Variants in SNX13 observed in about 807,000 individuals in gnomAD.
SNX13 encodes sorting nexin-13.
Under a neutral mutation model 133.6 loss-of-function variants are expected in SNX13, and 45 were observed. The ratio of observed to expected loss-of-function variants is 0.34; its 90% CI spans 0.27 to 0.43. The LOEUF is 0.43. Ranked by LOEUF, SNX13 falls within the 20% of genes least tolerant of loss-of-function variation. SNX13 has a pLI of 1.00. For synonymous variants in SNX13, 414 were observed against 373.9 expected, an observed-to-expected ratio of 1.11 and a Z score of -1.24; for missense variants, 1,032 against 1,145.1, an observed-to-expected ratio of 0.90 and a Z score of 1.43.
intron 1 of SNX13, among the ~76,000 whole-genome samples, chr7:17,929,179 G>A (rs528508499): frequency 3.3e-5 from 5 of 151,952 alleles, no homozygotes; most frequent in Admixed American, 6.6e-5. Flanking sequence ...AATACACAAA[G>A]CATCAGTGAC....
At chr7:17,841,870 A>G (rs1789947342) in intron 12 of SNX13, among the ~76,000 whole-genome samples, 1 of 152,108 alleles carries the variant, frequency 6.6e-6, no homozygotes, top group Non-Finnish European at 1.5e-5. Flanking sequence ...AAAATAAAAA[A>G]TGCACTAAAG....
intron 15 of SNX13, chr7:17,832,381 T>A (rs1330865827): frequency 2.0e-6 from 2 of 984,464 alleles, no homozygotes; most frequent in African/African-American, 3.5e-5. Context: ...ACAGAATATA[T>A]TGCTACTATC....
At chr7:17,833,050 C>T (rs566085875) in intron 15 of SNX13, among the ~76,000 whole-genome samples, 1 of 151,646 alleles carries the variant, frequency 6.6e-6, no homozygotes, top group South Asian at 2.1e-4. Context: ...AGTAAACAGT[C>T]ATAACTGAAG....
intron 11 of SNX13, among the ~76,000 whole-genome samples, chr7:17,846,820 C>T (rs1790593976): frequency 6.6e-6 from 1 of 152,154 alleles, no homozygotes; most frequent in South Asian, 2.1e-4. Flanking sequence ...TGTATCACCT[C>T]TTTCTCCTGC....
In SNX13 at chr7:17,793,371, C is replaced by T. The variant is rs781182713; in HGVS notation, c.*674G>A. 3 of 151,954 alleles carry T rather than the reference C, an allele frequency of 2.0e-5. No individual in the cohort carries two copies. The highest frequency in any genetic ancestry group is 4.4e-5 in the Non-Finnish European group (3 of 67,822). The allele number at this position is 151,954 out of a possible 1,614,324, so 9.4% of individuals were successfully genotyped here. ...AGCAAAACACAGCCCTTAAAGCACA[C>T]ATAAGAATAAAAATTGTTGTATACC... On this transcript the variant is annotated 3_prime_UTR_variant, in exon 26 of 26. Transcript: ENST00000428135.
intron 2 of SNX13, among the ~76,000 whole-genome samples, chr7:17,894,720 A>G (rs1389563974): frequency 6.6e-6 from 1 of 152,220 alleles, no homozygotes; most frequent in Non-Finnish European, 1.5e-5. Context: ...ATTTAATCTA[A>G]TAATGATCTT....
In SNX13 at chr7:17,815,336, C is replaced by A. The variant is rs540928585; in HGVS notation, c.1954-392G>T. 3.9e-5 allele frequency among the ~76,000 whole-genome samples: 6 copies of A among 152,276 alleles called. No individual in the cohort carries two copies. In the East Asian group the frequency reaches 7.7e-4, roughly 20 times the overall value. The stretch of plus-strand genomic sequence containing the variant: ...AGGTGGCTCATGCCTGTAACCCCAG[C>A]ACTTTTGGAGATTGAGGCGGGAAAA... On this transcript the variant is annotated intron_variant, in intron 19 of 25. Coordinates refer to ENST00000428135, the MANE Select transcript of SNX13 (RefSeq NM_015132.5).
intron 9 of SNX13, among the ~76,000 whole-genome samples, chr7:17,851,488 G>A (rs1791205848): frequency 6.6e-6 from 1 of 152,172 alleles, no homozygotes; most frequent in African/African-American, 2.4e-5. Flanking sequence ...AATATAGTCA[G>A]GGAGCAGGGT....
In SNX13 at chr7:17,805,265, G is replaced by GCGCGCGCGCGCGCGCA. The variant is rs771908159; in HGVS notation, c.2065-1686_2065-1685insTGCGCGCGCGCGCGCG. Among the ~76,000 whole-genome samples, 613 of 146,014 alleles carry GCGCGCGCGCGCGCGCA rather than the reference G, an allele frequency of 4.2e-3. 5 individuals are homozygous for GCGCGCGCGCGCGCGCA. Among genetic ancestry groups the GCGCGCGCGCGCGCGCA allele is most frequent in the South Asian group, 9.8e-3 (45 of 4,592 alleles). ...TGTGTGTGTGTGCGTGCGCGCGCGC[G>GCGCGCGCGCGCGCGCA]CATGCATGCACATGTGTAATTCTAA... On this transcript the variant is annotated intron_variant, in intron 20 of 25. Transcript: ENST00000428135.
At chr7:17,897,551 A>T in intron 1 of SNX13, 105 bp from the exon 2 acceptor site, 1 of 561,148 alleles carries the variant, frequency 1.8e-6, no homozygotes, top group Non-Finnish European at 3.0e-6. Flanking sequence ...TCTTGTAAAC[A>T]TTCATGGTAT....
At chr7:17,836,943 C>T (rs551961793) in intron 13 of SNX13, among the ~76,000 whole-genome samples, 237 of 151,888 alleles carry the variant, frequency 1.6e-3, no homozygotes, top group African/African-American at 5.4e-3. Context: ...GATATTTTTG[C>T]TTTTTCTGTT....
chr7:17,796,205 T>G (rs1026426503), intron 25 of SNX13: 1 of 151,750 alleles, frequency 6.6e-6, no homozygotes, highest in African/African-American at 2.4e-5. Context: ...CGAGAAAAAG[T>G]AAATCTAAGG....
chr7:17,822,643 G>A (rs1364916054), intron 17 of SNX13, among the ~76,000 whole-genome samples: 1 of 152,058 alleles, frequency 6.6e-6, no homozygotes, highest in Non-Finnish European at 1.5e-5. Flanking sequence ...TTCTCTTATT[G>A]TGGTTCGTAT....
intron 3 of SNX13, among the ~76,000 whole-genome samples, chr7:17,893,079 C>T (rs1197281611): frequency 6.6e-6 from 1 of 152,112 alleles, no homozygotes; most frequent in Non-Finnish European, 1.5e-5. Flanking sequence ...AGGAAAAATA[C>T]CCAAAATAAA....
chr7:17,845,631 T>C lies in SNX13; in HGVS notation c.1129A>G (p.Ile377Val). ...GKLCTVPLDS[I>V]LVDNVALQFF... ...TGTAGTGCAACATTGTCTACAAGAA[T>C]GCTGTCCAGGGGGACTGTGCAAAGT... Residue 377 changes from isoleucine (I) to valine (V), a missense_variant, in exon 12 of 26, where the codon ATT (isoleucine) becomes GTT (valine). Physicochemically the swap from Ile to Val is conservative, Grantham distance 29. Transcript: ENST00000428135. 6.2e-7 allele frequency: 1 copy of C among 1,603,056 alleles called. No homozygotes were observed. Among genetic ancestry groups the C allele is most frequent in the Non-Finnish European group, 8.5e-7 (1 of 1,175,062 alleles).
intron 20 of SNX13, among the ~76,000 whole-genome samples, chr7:17,813,034 G>A (rs1021034517): frequency 6.6e-6 from 1 of 152,064 alleles, no homozygotes; most frequent in Non-Finnish European, 1.5e-5. Context: ...GTTAATGGGT[G>A]CAGCAAAGCA....
At chr7:17,829,122 A>G (rs940163584) in intron 16 of SNX13, among the ~76,000 whole-genome samples, 1 of 151,596 alleles carries the variant, frequency 6.6e-6, no homozygotes, top group Non-Finnish European at 1.5e-5. Context: ...TTACTCAATA[A>G]GGTTATTTTA....
chr7:17,807,290 G>A (rs1785418183), intron 20 of SNX13, among the ~76,000 whole-genome samples: 1 of 152,092 alleles, frequency 6.6e-6, no homozygotes, highest in Non-Finnish European at 1.5e-5. Context: ...GCCCAGCTAG[G>A]TGGGGGGAGG....
chr7:17,879,722 C>A (rs997281036), intron 5 of SNX13: 3 of 152,202 alleles, frequency 2.0e-5, no homozygotes, highest in African/African-American at 7.2e-5. Context: ...ATCAGTAGCA[C>A]AAAACACTAC....
Sources: allele counts gnomAD v4.1 joint callset (sites outside exome capture counted in the v4.1 genomes callset), GRCh38; gene constraint gnomAD v4.1.1; transcripts MANE v1.5; gene names NCBI Gene and HGNC (gene_info 2026-07-23, HGNC 2026-07-21).